Variants in GREB1 observed in about 807,000 individuals in gnomAD.
GREB1 encodes growth regulating estrogen receptor binding 1.
A neutral mutation model predicts 200.7 loss-of-function variants in GREB1; 106 were observed. That is an observed-to-expected ratio of 0.53 (90% confidence interval 0.45 to 0.62). The LOEUF is 0.62. Ranked by LOEUF, GREB1 falls within the 20% of genes least tolerant of loss-of-function variation. GREB1 has a pLI of 0.00. For missense variants in GREB1, 2,243 were observed against 2,556.8 expected (o/e 0.88, Z 2.65); for synonymous variants, 1,132 against 1,092.4 (o/e 1.04, Z -0.72).
rs2304402 is a variant in GREB1, at chr2:11,634,198, G to A, written c.5059G>A (p.Asp1687Asn). 0.49 allele frequency: 785,590 copies of A among 1,613,926 alleles called. 194,005 individuals are homozygous for A. Among genetic ancestry groups the A allele is most frequent in the Non-Finnish European group, 0.51 (601,184 of 1,179,902 alleles). The change falls in exon 29 of 33, where the codon GAC becomes AAC. Residue 1687 changes from aspartate (D) to asparagine (N), a missense_variant. This residue lies in a region of GREB1 where 478 missense variants were observed against 616.3 expected (regional missense o/e 0.78). Transcript: ENST00000381486. ...CATGCAGCACATCGAGGCGGCCCCCGACATCATGCACTACGCCCTGCTGGG... is the reference window on the plus strand; with the variant it reads ...CATGCAGCACATCGAGGCGGCCCCCAACATCATGCACTACGCCCTGCTGGG... Reference protein sequence around the residue: ...HIMQHIEAAPDIMHYALLGLR... With the variant: ...HIMQHIEAAPNIMHYALLGLR...
chr2:11,514,451 C>T (rs763074540), intron 1 of GREB1, among the ~76,000 whole-genome samples: 1 of 152,240 alleles, frequency 6.6e-6, no homozygotes, highest in South Asian at 2.1e-4. Context: ...CCATGCCACA[C>T]CATGTTTCCA....
chr2:11,589,231 GGA>G (rs1360350768), intron 10 of GREB1, among the ~76,000 whole-genome samples: 1 of 152,192 alleles, frequency 6.6e-6, no homozygotes, highest in Non-Finnish European at 1.5e-5. Context: ...AGTCTTAGTG[GGA>G]GAGAGAAGCA....
At chr2:11,521,598 T>G (rs1355523670) in intron 1 of GREB1, among the ~76,000 whole-genome samples, 2 of 152,222 alleles carry the variant, frequency 1.3e-5, no homozygotes, top group Middle Eastern at 3.2e-3. Flanking sequence ...TCACTTCTAC[T>G]CATCTTGTGC....
rs1681864213 is a variant in GREB1 at position 11,602,421 on chromosome 2, C to A, written c.2545C>A (p.His849Asn). Residue 849 changes from histidine to asparagine, a missense_variant, in exon 17 of 33, where the codon CAT (histidine) becomes AAT (asparagine). By Grantham distance (68) the His-to-Asn change is moderately conservative. Coordinates refer to ENST00000381486, the MANE Select transcript of GREB1 (RefSeq NM_014668.4). ...ASCSNGVDLY[H>N]ENKKYFGLSE... ...TTTGTTTTAGGGAGTGGACTTATAT[C>A]ATGAAAATAAGAAGTACTTCGGGCT... 1.1e-5 allele frequency: 17 copies of A among 1,613,348 alleles called. No individual in the cohort carries two copies. The East Asian group carries it at 3.8e-4, about 36-fold the overall frequency.
chr2:11,556,584 A>G lies in GREB1; in HGVS notation c.-31A>G, dbSNP rs1676454754. ...GCTTTTGCACCGAATCTGAGATGCCATTTTAAACAGAAGACTCCATCCTCT... is the reference window on the plus strand; with the variant it reads ...GCTTTTGCACCGAATCTGAGATGCCGTTTTAAACAGAAGACTCCATCCTCT... On this transcript the variant is annotated 5_prime_UTR_variant, in exon 2 of 33. Coordinates refer to ENST00000381486, the MANE Select transcript of GREB1 (RefSeq NM_014668.4). 1 of 1,580,722 alleles carries G rather than the reference A, an allele frequency of 6.3e-7. No individual in the cohort carries two copies. The highest frequency in any genetic ancestry group is 2.3e-5 in the East Asian group (1 of 43,680).
intron 9 of GREB1, chr2:11,587,320 A>T: frequency 1.6e-6 from 2 of 1,223,442 alleles, no homozygotes; most frequent in Non-Finnish European, 2.4e-6. Flanking sequence ...TCCCTCTTTT[A>T]TGACAAATGT....
At chr2:11,567,728 C>T (rs545405854) in intron 4 of GREB1, among the ~76,000 whole-genome samples, 71 of 152,330 alleles carry the variant, frequency 4.7e-4, no homozygotes, top group African/African-American at 1.6e-3. Flanking sequence ...TGCCTTTGCT[C>T]ATATGATGTA....
upstream of GREB1, among the ~76,000 whole-genome samples, chr2:11,529,113 C>T (rs1673981291): frequency 6.6e-6 from 1 of 152,040 alleles, no homozygotes; most frequent in South Asian, 2.1e-4. Context: ...GTGAAATTGA[C>T]AAATCTGTAT....
At position 11,597,971 on chromosome 2, in the gene GREB1, G is replaced by T. The variant is rs762762343; in HGVS notation, c.2145G>T (p.Trp715Cys). 1 of 1,612,828 alleles carries T rather than the reference G, an allele frequency of 6.2e-7. No homozygotes were observed. Among genetic ancestry groups the T allele is most frequent in the African/African-American group, 1.3e-5 (1 of 74,910 alleles). ...ACCAGCAGACTCTGCTCCATGTGTG[G>T]CATTCAGGTATGGGGCATTTTGGGG... is the stretch of plus-strand genomic sequence containing the variant. ...VTYQQTLLHV[W>C]HSGVLLELGL... Residue 715 changes from tryptophan (W) to cysteine (C), a missense_variant, in exon 14 of 33, where the codon TGG (tryptophan) becomes TGT (cysteine). Around this residue, in one of 3 missense-constraint regions of GREB1, gnomAD observed 1,178 missense variants for 1,387.4 expected, o/e 0.85. Coordinates refer to ENST00000381486, the MANE Select transcript of GREB1 (RefSeq NM_014668.4). This position sits in a 1 kb window ranked among gnomAD's most constrained non-coding sequence, Gnocchi z 4.1.
intron 10 of GREB1, among the ~76,000 whole-genome samples, chr2:11,590,974 G>A (rs1329957164): frequency 1.3e-5 from 2 of 152,170 alleles, no homozygotes; most frequent in Non-Finnish European, 2.9e-5. Flanking sequence ...GAAGCGGCTG[G>A]CAACCTTGAT....
At chr2:11,601,112 G>C in intron 16 of GREB1, 117 bp downstream of exon 16, 1 of 788,166 alleles carries the variant, frequency 1.3e-6, no homozygotes, top group East Asian at 2.7e-5. Flanking sequence ...CAGCTCCTTG[G>C]ATCTTTGGTT....
intron 4 of GREB1, among the ~76,000 whole-genome samples, chr2:11,570,148 C>T (rs1678114610): frequency 6.6e-6 from 1 of 152,046 alleles, no homozygotes; most frequent in South Asian, 2.1e-4. Flanking sequence ...GTGGCTCATG[C>T]CTGTAATCCC....
chr2:11,507,412 A>AG (rs940334031), intron 1 of GREB1, among the ~76,000 whole-genome samples: 1 of 151,600 alleles, frequency 6.6e-6, no homozygotes, highest in African/African-American at 2.4e-5. Context: ...CCAAAAAAAA[A>AG]AAAAAACCAT....
At chr2:11,483,022 C>T (rs1444074795) in intron 1 of GREB1, among the ~76,000 whole-genome samples, 1 of 151,474 alleles carries the variant, frequency 6.6e-6, no homozygotes, top group Non-Finnish European at 1.5e-5. Context: ...CTGTGCGGGG[C>T]TGCTCGGGGC....
At chr2:11,636,804 A>G (rs747174701) in intron 30 of GREB1, among the ~76,000 whole-genome samples, 16,788 of 105,602 alleles carry the variant, frequency 0.16, 1,462 homozygotes, top group Middle Eastern at 0.3. Flanking sequence ...GCAGGGGCAG[A>G]GGCAGGGACA....
At position 11,633,176 on chromosome 2, in the gene GREB1, A is replaced by T. The variant is rs982026162; in HGVS notation, c.4991+113A>T. The T allele has an allele frequency of 5.9e-6, 6 of 1,016,254 alleles. No homozygotes were observed. Among genetic ancestry groups the T allele is most frequent in the Non-Finnish European group, 9.0e-6 (6 of 667,274 alleles). The allele number at this position is 1,016,254 out of a possible 1,614,324, so 63.0% of individuals were successfully genotyped here. Reference sequence around the variant, plus strand: ...CCTGGAAGACCGGAGGGCCTCTCATAGTAGAAGGGGTGGTTGTGGTTGTGG... The same window carrying T: ...CCTGGAAGACCGGAGGGCCTCTCATTGTAGAAGGGGTGGTTGTGGTTGTGG... On this transcript the variant is annotated intron_variant, in intron 28 of 32. Transcript: ENST00000381486. This position sits in a 1 kb window ranked among gnomAD's most constrained non-coding sequence, Gnocchi z 4.1.
upstream of GREB1, among the ~76,000 whole-genome samples, chr2:11,533,336 A>T (rs59885883): frequency 0.076 from 11,509 of 152,260 alleles, 1,374 homozygotes; most frequent in African/African-American, 0.25. Flanking sequence ...TGCCAGCCAC[A>T]GTACTAAATA....
chr2:11,514,858 C>T (rs1673441844), intron 1 of GREB1, among the ~76,000 whole-genome samples: 1 of 152,204 alleles, frequency 6.6e-6, no homozygotes, highest in Admixed American at 6.5e-5. Context: ...CTCTGTATGC[C>T]CAGTGCTTAG....
chr2:11,541,767 G>A (rs1208457503), intron 1 of GREB1, among the ~76,000 whole-genome samples: 1 of 152,196 alleles, frequency 6.6e-6, no homozygotes, highest in African/African-American at 2.4e-5. Context: ...CAGGGCTTAG[G>A]CTGAACGGGC....
Sources: gnomAD v4.1 joint callset for allele counts (sites outside exome capture counted in the v4.1 genomes callset) on GRCh38, gnomAD v4.1.1 for gene constraint, gnomAD v4.1.1 regional missense constraint, Gnocchi (gnomAD v3.1) non-coding constraint, MANE v1.5 for transcripts, NCBI Gene and HGNC (gene_info 2026-07-23, HGNC 2026-07-21) for gene names.